Variants in TRPM1 observed in about 807,000 individuals in gnomAD.
TRPM1 encodes the protein transient receptor potential cation channel subfamily M member 1, also known as TRPM1-203 APA Isoform, Intron 10.
A neutral mutation model predicts 149.4 loss-of-function variants in TRPM1; 113 were observed. That is an observed-to-expected ratio of 0.76 (90% confidence interval 0.65 to 0.88). The LOEUF (loss-of-function observed/expected upper bound fraction) is 0.88. Ranked by LOEUF, TRPM1 falls within the 40% of genes least tolerant of loss-of-function variation. The pLI, the probability that TRPM1 is intolerant of heterozygous loss-of-function variation, is 0.00. For synonymous variants in TRPM1, 741 were observed against 759.5 expected, an observed-to-expected ratio of 0.98 and a Z score of 0.40; for missense variants, 1,976 against 2,038.7, an observed-to-expected ratio of 0.97 and a Z score of 0.59.
intron 1 of TRPM1, among the ~76,000 whole-genome samples, chr15:31,130,244 A>T (rs1596091163): frequency 6.6e-6 from 1 of 152,292 alleles, no homozygotes; most frequent in South Asian, 2.1e-4. Context: ...CAGGGTCAAA[A>T]TGAGAAGCAA....
At chr15:31,085,685 A>AT (rs1377587550) in intron 1 of TRPM1, among the ~76,000 whole-genome samples, 2 of 152,112 alleles carry the variant, frequency 1.3e-5, no homozygotes, top group Admixed American at 6.6e-5. Flanking sequence ...GGGGTTGCTG[A>AT]TTTTTTGTGC....
At chr15:31,125,038 G>A (rs1730981386) in intron 1 of TRPM1, among the ~76,000 whole-genome samples, 1 of 152,046 alleles carries the variant, frequency 6.6e-6, no homozygotes, top group Non-Finnish European at 1.5e-5. Flanking sequence ...TGCTGGGTGT[G>A]GTGGCGCATG....
intron 11 of TRPM1, 103 bp from the exon 12 acceptor site, chr15:31,050,685 A>G: frequency 8.2e-7 from 1 of 1,226,646 alleles, no homozygotes; most frequent in Non-Finnish European, 1.2e-6. Flanking sequence ...ACACATGCAC[A>G]CCACACATGC....
intron 1 of TRPM1, among the ~76,000 whole-genome samples, chr15:31,140,728 C>T (rs2036150493): frequency 6.6e-6 from 1 of 152,238 alleles, no homozygotes; most frequent in Non-Finnish European, 1.5e-5. Flanking sequence ...GAACTGTGCA[C>T]CAAACAAACC....
chr15:31,065,526 T>C (rs139712506), intron 7 of TRPM1, among the ~76,000 whole-genome samples: 98 of 152,318 alleles, frequency 6.4e-4, no homozygotes, highest in Non-Finnish European at 1.2e-3. Flanking sequence ...CGTCTTTCTC[T>C]CTAGTTCGAC....
At chr15:31,128,293 C>T (rs2035976171) in intron 1 of TRPM1, among the ~76,000 whole-genome samples, 1 of 152,190 alleles carries the variant, frequency 6.6e-6, no homozygotes, top group African/African-American at 2.4e-5. Flanking sequence ...ATCCCCCTGT[C>T]CTGGGCTGTG....
chr15:31,023,480 A>C (rs759551005), intron 27 of TRPM1, among the ~76,000 whole-genome samples: 9 of 152,214 alleles, frequency 5.9e-5, no homozygotes, highest in Non-Finnish European at 1.3e-4. Flanking sequence ...TGCAACATGG[A>C]TTGAAACAGC....
intron 22 of TRPM1, among the ~76,000 whole-genome samples, chr15:31,032,149 T>C (rs1299084668): frequency 1.3e-5 from 2 of 152,092 alleles, no homozygotes; most frequent in African/African-American, 4.8e-5. Flanking sequence ...TTGAGACATC[T>C]ATTTTGCTAC....
intron 23 of TRPM1, 69 bp from the exon 24 acceptor site, chr15:31,029,460 A>C (rs1332116449): frequency 8.0e-6 from 12 of 1,503,572 alleles, no homozygotes; most frequent in Non-Finnish European, 1.0e-5. Context: ...AAAGAAAATA[A>C]GATGATGGTT....
At position 31,039,990 on chromosome 15, in the gene TRPM1, A is replaced by C; in HGVS notation, c.2316+128T>G. The C allele has an allele frequency of 3.8e-6, 3 of 797,360 alleles. No individual in the cohort carries two copies. In the South Asian group the frequency reaches 4.3e-5, roughly 12 times the overall value. The allele number at this position is 797,360 out of a possible 1,614,324, so 49.4% of individuals were successfully genotyped here. On this transcript the variant is annotated intron_variant, in intron 18 of 27. Coordinates refer to ENST00000256552, the MANE Select transcript of TRPM1 (RefSeq NM_001252024.2). ...CCTCATCTATAAGACAATGATTGTC[A>C]TGGCGTCTCCCTCAGGGGGTTGCTA...
Position 31,001,887 on chromosome 15 carries a change from AC to A in TRPM1, c.4812del (p.Ser1605LeufsTer3), listed in dbSNP as rs770304201. The A allele has an allele frequency of 3.1e-6, 5 of 1,613,990 alleles. No individual in the cohort carries two copies. Among genetic ancestry groups the A allele is most frequent in the Non-Finnish European group, 4.2e-6 (5 of 1,180,012 alleles). On this transcript the variant is annotated frameshift_variant, in exon 28 of 28. Coordinates refer to ENST00000256552, the MANE Select transcript of TRPM1 (RefSeq NM_001252024.2). LOFTEE classifies it low-confidence loss of function (END_TRUNC). ...HASSVSSLVIVSGMTAEEKKV... is the reference protein window; with the variant it reads ...HASSVSSLVIXSGMTAEEKKV... The stretch of plus-strand genomic sequence containing the variant: ...TTTTTTTCTTCTGCTGTCATTCCAG[AC>A]ACAATTACTAAGCTGCTTACACTAC...
chr15:31,044,670 A>G (rs1300758158), intron 16 of TRPM1, among the ~76,000 whole-genome samples: 1 of 151,696 alleles, frequency 6.6e-6, no homozygotes, highest in Admixed American at 6.6e-5. Flanking sequence ...AGTCCCAGCT[A>G]CTTGGGAGGC....
intron 22 of TRPM1, 114 bp downstream of exon 22, chr15:31,032,575 C>T: frequency 7.9e-7 from 1 of 1,258,410 alleles, no homozygotes. Flanking sequence ...CTTTAAAAAG[C>T]CAACTGCAAA....
At chr15:31,083,501 G>T (rs1317062910) in intron 1 of TRPM1, among the ~76,000 whole-genome samples, 2 of 152,186 alleles carry the variant, frequency 1.3e-5, no homozygotes, top group East Asian at 3.8e-4. Context: ...CCTTTGCCCG[G>T]CTCCTAGGGG....
intron 11 of TRPM1, among the ~76,000 whole-genome samples, chr15:31,053,049 G>C (rs964076938): frequency 1.9e-4 from 29 of 152,104 alleles, no homozygotes; most frequent in Non-Finnish European, 1.3e-4. Context: ...AGAATATATA[G>C]AGAACTCCTA....
chr15:31,082,079 A>T (rs2034874137), intron 1 of TRPM1, among the ~76,000 whole-genome samples: 1 of 152,166 alleles, frequency 6.6e-6, no homozygotes, highest in African/African-American at 2.4e-5. Flanking sequence ...GTTTCAGTGC[A>T]ACGATAACGC....
chr15:31,017,838 T>C (rs2032419757), intron 27 of TRPM1, among the ~76,000 whole-genome samples: 1 of 152,190 alleles, frequency 6.6e-6, no homozygotes, highest in South Asian at 2.1e-4. Flanking sequence ...TGTGGAACTT[T>C]TGCATTAACT....
At chr15:31,131,785 C>T (rs1028578329) in intron 1 of TRPM1, among the ~76,000 whole-genome samples, 1 of 152,062 alleles carries the variant, frequency 6.6e-6, no homozygotes, top group Non-Finnish European at 1.5e-5. Flanking sequence ...GGCACTTGGG[C>T]CCCCAGCTGT....
chr15:31,156,019 A>T (rs1373609682), intron 1 of TRPM1, among the ~76,000 whole-genome samples: 1 of 151,898 alleles, frequency 6.6e-6, no homozygotes, highest in Non-Finnish European at 1.5e-5. Context: ...CAACATGGTG[A>T]AACCCCGTCT....
Sources: allele counts gnomAD v4.1 joint callset (sites outside exome capture counted in the v4.1 genomes callset), GRCh38; gene constraint gnomAD v4.1.1; transcripts MANE v1.5; gene names NCBI Gene and HGNC (gene_info 2026-07-23, HGNC 2026-07-21).